RIOK3: variants seen among roughly 807,000 people sequenced by gnomAD.
RIOK3 encodes the protein serine/threonine-protein kinase RIO3.
A neutral mutation model predicts 63.5 loss-of-function variants in RIOK3; 40 were observed. That is an observed-to-expected ratio of 0.63 (90% CI 0.49 to 0.82). The LOEUF is 0.82. Among genes scored for constraint, RIOK3 ranks in the 40% least tolerant of loss-of-function variants. The pLI is 0.00. For synonymous variants in RIOK3, 193 were observed against 205.0 expected (o/e 0.94, Z 0.50); for missense variants, 557 against 637.0 (o/e 0.87, Z 1.35).
rs2057389642 is a variant in RIOK3, at chr18:23,464,085, GA to G, written c.306del (p.Lys102AsnfsTer68). 3.7e-6 allele frequency: 6 copies of G among 1,609,498 alleles called. No individual in the cohort carries two copies. The highest frequency in any genetic ancestry group is 1.7e-4 in the Middle Eastern group (1 of 6,022). On this transcript the variant is annotated frameshift_variant, in exon 3 of 13. Transcript: ENST00000339486. LOFTEE classifies it high-confidence loss of function. ...REYDAQLRRE[E>X]KKFNGDSKVS... ...ATATGATGCACAGCTTAGGCGTGAA[GA>G]AAAAAAATTCAATGGAGATAGCAAA...
intron 1 of RIOK3, among the ~76,000 whole-genome samples, chr18:23,459,711 C>G (rs2057362142): frequency 6.6e-6 from 1 of 152,148 alleles, no homozygotes; most frequent in Admixed American, 6.5e-5. Flanking sequence ...CGCTCTGTCA[C>G]CCGGGCTGGA....
chr18:23,458,314 A>G (rs2057353660), intron 1 of RIOK3, among the ~76,000 whole-genome samples: 1 of 152,184 alleles, frequency 6.6e-6, no homozygotes, highest in East Asian at 1.9e-4. Flanking sequence ...AAGGAAAGGG[A>G]GATGATTCCC....
chr18:23,464,710 T>A lies in RIOK3; in HGVS notation c.543+82T>A, dbSNP rs1055947847. ...AAAACAGGATTCTAAATATAATACC[T>A]TAGATTTCTAAAAATGTCTTTCTTT... On this transcript the variant is annotated intron_variant, in intron 5 of 12. Transcript: ENST00000339486. The A allele has an allele frequency of 1.7e-5, 12 of 690,546 alleles. No homozygotes were observed. The African/African-American group carries it at 1.9e-4, about 11-fold the overall frequency. The allele number at this position is 690,546 out of a possible 1,614,324, so 42.8% of individuals were successfully genotyped here. A position where few individuals can be genotyped will look rare whatever the true frequency, so the allele number is the denominator to read the frequency against.
chr18:23,465,970 C>G (rs967791786), intron 5 of RIOK3, among the ~76,000 whole-genome samples, 163 bp from the exon 6 acceptor site: 23 of 152,276 alleles, frequency 1.5e-4, no homozygotes, highest in African/African-American at 5.3e-4. Context: ...GCTCCTCTTT[C>G]TGTGAGTTAT....
chr18:23,473,732 G>GC (rs1306617066), intron 8 of RIOK3, 106 bp downstream of exon 8: 1 of 821,332 alleles, frequency 1.2e-6, no homozygotes, highest in Admixed American at 3.1e-5. Context: ...ATAATGAAAG[G>GC]CCAGGTGTAT....
In RIOK3 at chr18:23,464,241, C is replaced by T. The variant is rs1182434156; in HGVS notation, c.361C>T (p.Pro121Ser). The T allele has an allele frequency of 1.9e-6, 3 of 1,614,016 alleles. No individual in the cohort carries two copies. Among genetic ancestry groups the T allele is most frequent in the East Asian group, 2.2e-5 (1 of 44,862 alleles). Residue 121 changes from proline to serine, a missense_variant, in exon 4 of 13, where the codon CCT (proline) becomes TCT (serine). Pro to Ser is a moderately conservative substitution (Grantham distance 74). Transcript: ENST00000339486. ...CTTTGAAAATTATCGAAAAGTGCAT[C>T]CTTATGAAGACAGCGATAGCTCTGA... ...ISFENYRKVHPYEDSDSSEDE... is the reference protein window; with the variant it reads ...ISFENYRKVHSYEDSDSSEDE...
At chr18:23,456,291 A>G (rs539215890) in intron 1 of RIOK3, 1 of 152,350 alleles carries the variant, frequency 6.6e-6, no homozygotes, top group Non-Finnish European at 1.5e-5. Flanking sequence ...TCTTTTGTTT[A>G]CATTGATTAT....
At position 23,462,906 on chromosome 18, in the gene RIOK3, T is replaced by C. The variant is rs1255869130; in HGVS notation, c.64-58T>C. ...TCAAAATATAACATTATTTGTAAAATGAGAGGTACTTTATTTCATTATGAT... is the reference window on the plus strand; with the variant it reads ...TCAAAATATAACATTATTTGTAAAACGAGAGGTACTTTATTTCATTATGAT... On this transcript the variant is annotated intron_variant, in intron 1 of 12. Coordinates refer to ENST00000339486, the MANE Select transcript of RIOK3 (RefSeq NM_003831.5). 1.8e-5 allele frequency: 13 copies of C among 734,204 alleles called. No individual in the cohort carries two copies. The Admixed American group carries it at 3.9e-4, about 22-fold the overall frequency. The allele number at this position is 734,204 out of a possible 1,614,324, so 45.5% of individuals were successfully genotyped here. A position where few individuals can be genotyped will look rare whatever the true frequency, so the allele number is the denominator to read the frequency against.
intron 1 of RIOK3, among the ~76,000 whole-genome samples, chr18:23,460,331 G>A (rs2057366157): frequency 1.3e-5 from 2 of 152,328 alleles, no homozygotes; most frequent in African/African-American, 4.8e-5. Context: ...ATTGCAGTCA[G>A]TAGGGCAGTT....
chr18:23,460,083 TA>T (rs1826260703), intron 1 of RIOK3, among the ~76,000 whole-genome samples: 2 of 151,998 alleles, frequency 1.3e-5, no homozygotes, highest in Admixed American at 6.6e-5. Context: ...GGGCAAGTTG[TA>T]AAGGGCATCC....
At chr18:23,475,453 A>G (rs1452309643) in intron 9 of RIOK3, among the ~76,000 whole-genome samples, 1 of 125,988 alleles carries the variant, frequency 7.9e-6, no homozygotes, top group Non-Finnish European at 1.6e-5. Flanking sequence ...ACAGAGTAAG[A>G]CTCTGTCTCA....
At chr18:23,471,441 G>T (rs1187058266) in intron 7 of RIOK3, among the ~76,000 whole-genome samples, 1 of 152,212 alleles carries the variant, frequency 6.6e-6, no homozygotes, top group Admixed American at 6.5e-5. Flanking sequence ...GTAAGCAGGG[G>T]CTGGACCAGG....
Position 23,478,003 on chromosome 18 carries a change from C to T in RIOK3, c.1344+735C>T, listed in dbSNP as rs146681382. 1.7e-3 allele frequency among the ~76,000 whole-genome samples: 251 copies of T among 149,412 alleles called. 1 individual carries two copies. The highest frequency in any genetic ancestry group is 6.0e-3 in the African/African-American group (241 of 40,438). ...AGGAGAATCACTTGAGCCTGGGAATCGGAGGTTGCAGTGAGCCAAGGTTGC... is the reference window on the plus strand; with the variant it reads ...AGGAGAATCACTTGAGCCTGGGAATTGGAGGTTGCAGTGAGCCAAGGTTGC... On this transcript the variant is annotated intron_variant, in intron 11 of 12. Coordinates refer to ENST00000339486, the MANE Select transcript of RIOK3 (RefSeq NM_003831.5).
At chr18:23,473,072 T>A (rs763228712) in intron 7 of RIOK3, among the ~76,000 whole-genome samples, 48 of 152,222 alleles carry the variant, frequency 3.2e-4, no homozygotes, top group Admixed American at 2.0e-3. Context: ...AAAGCTGTTT[T>A]ATTTGTTGCT....
At position 23,463,147 on chromosome 18, in the gene RIOK3, G is replaced by T. The variant is rs957892990; in HGVS notation, c.179+68G>T. The T allele has an allele frequency of 5.1e-6, 5 of 972,274 alleles. No individual in the cohort carries two copies. In the African/African-American group the frequency reaches 8.2e-5, roughly 16 times the overall value. The allele number at this position is 972,274 out of a possible 1,614,324, so 60.2% of individuals were successfully genotyped here. A position where few individuals can be genotyped will look rare whatever the true frequency, so the allele number is the denominator to read the frequency against. ...GAGTTTTAGGATTTGATGAGTAATTGTCATGACAAGTGGTTTGGAAAAAGC... is the reference window on the plus strand; with the variant it reads ...GAGTTTTAGGATTTGATGAGTAATTTTCATGACAAGTGGTTTGGAAAAAGC... On this transcript the variant is annotated intron_variant, in intron 2 of 12. Coordinates refer to ENST00000339486, the MANE Select transcript of RIOK3 (RefSeq NM_003831.5).
rs776839395 is a variant in RIOK3 at position 23,464,220 on chromosome 18, G to A, written c.340G>A (p.Glu114Lys). 11 of 1,612,904 alleles carry A rather than the reference G, an allele frequency of 6.8e-6. No individual in the cohort carries two copies. Among genetic ancestry groups the A allele is most frequent in the Non-Finnish European group, 8.5e-6 (10 of 1,179,686 alleles). Residue 114 changes from glutamate to lysine, a missense_variant, in exon 4 of 13, where the codon GAA (glutamate) becomes AAA (lysine). Transcript: ENST00000339486. ...TGCTTCTTAAGTTTCCATTTCCTTT[G>A]AAAATTATCGAAAAGTGCATCCTTA... ...NGDSKVSISFENYRKVHPYED... is the reference protein window; with the variant it reads ...NGDSKVSISFKNYRKVHPYED...
chr18:23,472,655 G>T (rs147910206), intron 7 of RIOK3, among the ~76,000 whole-genome samples: 3 of 152,142 alleles, frequency 2.0e-5, no homozygotes, highest in African/African-American at 7.2e-5. Context: ...TCTTCATGAA[G>T]CACGCATTTG....
Position 23,473,556 on chromosome 18 carries a change from C to A in RIOK3, c.943C>A (p.Arg315Ser). Residue 315 changes from arginine (R) to serine (S), a missense_variant, in exon 8 of 13, where the codon CGC becomes AGC. Around this residue, in one of 3 missense-constraint regions of RIOK3, gnomAD observed 309 missense variants for 338.7 expected, o/e 0.91. Coordinates refer to ENST00000339486, the MANE Select transcript of RIOK3 (RefSeq NM_003831.5). ...TAAAGATGATTTCAGGTTTAAAGATCGCTTCAGTAAACTAAATCCACGTAA... is the reference window on the plus strand; with the variant it reads ...TAAAGATGATTTCAGGTTTAAAGATAGCTTCAGTAAACTAAATCCACGTAA... ...YIKDDFRFKD[R>S]FSKLNPRKII... 1 of 1,613,352 alleles carries A rather than the reference C, an allele frequency of 6.2e-7. No individual in the cohort carries two copies. Among genetic ancestry groups the A allele is most frequent in the South Asian group, 1.1e-5 (1 of 91,004 alleles).
rs1270795001 is a variant in RIOK3, at chr18:23,453,386, G to A, written c.-54G>A. 7.0e-7 allele frequency: 1 copy of A among 1,429,552 alleles called. No individual in the cohort carries two copies. The highest frequency in any genetic ancestry group is 1.4e-5 in the African/African-American group (1 of 71,358). 88.6% of individuals were successfully genotyped at this position (1,429,552 alleles called of 1,614,324 possible). Reference sequence around the variant, plus strand: ...CCCGCCTGTCTCCTCGGCGGAGCCTGCTGCCCGTCCTGCCACCTCTCTGCT... The same window carrying A: ...CCCGCCTGTCTCCTCGGCGGAGCCTACTGCCCGTCCTGCCACCTCTCTGCT... On this transcript the variant is annotated 5_prime_UTR_variant, in exon 1 of 13. Coordinates refer to ENST00000339486, the MANE Select transcript of RIOK3 (RefSeq NM_003831.5).
Sources: gnomAD v4.1 joint callset for allele counts (sites outside exome capture counted in the v4.1 genomes callset) on GRCh38, gnomAD v4.1.1 for gene constraint, gnomAD v4.1.1 regional missense constraint, MANE v1.5 for transcripts, NCBI Gene and HGNC (gene_info 2026-07-23, HGNC 2026-07-21) for gene names.